TSPAN11: variants seen among roughly 807,000 people sequenced by gnomAD.
The protein encoded by TSPAN11 is tetraspanin 11, also known as tetraspanin-11.
In TSPAN11, 29 loss-of-function variants were observed where a neutral mutation model predicts 32.9. The ratio of observed to expected loss-of-function variants is 0.88; its 90% CI spans 0.66 to 1.20. The LOEUF is 1.20. Ranked by LOEUF, TSPAN11 falls within the 50% of genes most tolerant of loss-of-function variation. The pLI is 0.00. For missense variants in TSPAN11, 283 were observed against 329.1 expected (o/e 0.86, Z 1.08); for synonymous variants, 140 against 141.3 (o/e 0.99, Z 0.07).
At chr12:30,982,917 C>A in intron 6 of TSPAN11, 147 bp from the exon 7 acceptor site, 2 of 1,073,500 alleles carry the variant, frequency 1.9e-6, no homozygotes, top group Non-Finnish European at 2.7e-6. Context: ...TGGGGCCACT[C>A]AAGTAGCCTG....
intron 2 of TSPAN11, 84 bp from the exon 3 acceptor site, chr12:30,963,742 T>C (rs1294012911): frequency 5.5e-6 from 8 of 1,456,764 alleles, no homozygotes; most frequent in Middle Eastern, 2.2e-4. Context: ...GCAAGAGAAG[T>C]GCCTGGCACC....
chr12:30,971,338 A>G (rs1396345295), intron 3 of TSPAN11, among the ~76,000 whole-genome samples: 1 of 152,172 alleles, frequency 6.6e-6, no homozygotes, highest in East Asian at 1.9e-4. Flanking sequence ...ACTTACCTCA[A>G]AGATGGCACC....
At chr12:30,968,927 C>T (rs567720370) in intron 3 of TSPAN11, among the ~76,000 whole-genome samples, 12 of 152,248 alleles carry the variant, frequency 7.9e-5, no homozygotes, top group South Asian at 4.2e-4. Context: ...TCTGGGACCT[C>T]GGGTAAGTCA....
chr12:31,006,176 A>T, the TSPAN11 span, among the ~76,000 whole-genome samples: 1 of 152,244 alleles, frequency 6.6e-6, no homozygotes, highest in Non-Finnish European at 1.5e-5. Flanking sequence ...GAGTTGTCTC[A>T]GTGGCCATGG....
rs561630530 is a variant in TSPAN11, at chr12:30,960,464, T to C, written c.85-3362T>C. 2.0e-5 allele frequency among the ~76,000 whole-genome samples: 3 copies of C among 152,052 alleles called. No individual in the cohort carries two copies. The East Asian group carries it at 5.8e-4, about 29-fold the overall frequency. ...TTTCCTTCCTTCATTGCAGAAGCCC[T>C]ATGGTAGCGAGACAAAGAAAAACGC... On this transcript the variant is annotated intron_variant, in intron 2 of 7. Coordinates refer to ENST00000546076, the MANE Select transcript of TSPAN11 (RefSeq NM_001370302.1).
intron 3 of TSPAN11, among the ~76,000 whole-genome samples, chr12:30,974,042 A>G (rs1370644408): frequency 8.5e-5 from 13 of 152,206 alleles, no homozygotes. Flanking sequence ...TGTGAGCTGA[A>G]GCAATATAGG....
chr12:30,971,860 G>T (rs917911526), intron 3 of TSPAN11, among the ~76,000 whole-genome samples: 1 of 151,676 alleles, frequency 6.6e-6, no homozygotes, highest in East Asian at 1.9e-4. Context: ...AAAAAAATTG[G>T]TTTGGTTCAG....
chr12:30,938,985 C>G (rs2140273414), intron 1 of TSPAN11, among the ~76,000 whole-genome samples: 1 of 152,198 alleles, frequency 6.6e-6, no homozygotes, highest in South Asian at 2.1e-4. Context: ...ATAATCCCAG[C>G]ACTTTGGGAG....
chr12:31,006,520 CTTG>C, the TSPAN11 span, among the ~76,000 whole-genome samples: 1 of 152,400 alleles, frequency 6.6e-6, no homozygotes, highest in South Asian at 2.1e-4. Flanking sequence ...GTCTGTTGTA[CTTG>C]TGGTTAAATC....
the TSPAN11 span, among the ~76,000 whole-genome samples, chr12:31,004,302 G>A: frequency 3.9e-3 from 597 of 152,306 alleles, 3 homozygotes; most frequent in Middle Eastern, 0.034. Context: ...TGCATGCCAT[G>A]ACTCCAGCTC....
rs1235849084 is a variant in TSPAN11 at position 30,996,158 on chromosome 12, C to T, written c.*4243C>T. ...TCTTCCCTGGAGGACTCTTGGATCG[C>T]CTGTGATCTTGGCCAGGAGACCAGG... On this transcript the variant is annotated 3_prime_UTR_variant, in exon 8 of 8. Coordinates refer to ENST00000546076, the MANE Select transcript of TSPAN11 (RefSeq NM_001370302.1). The T allele has an allele frequency of 6.6e-6, 1 of 152,282 alleles. No individual in the cohort carries two copies. The highest frequency in any genetic ancestry group is 1.5e-5 in the Non-Finnish European group (1 of 68,092). The allele number at this position is 152,282 out of a possible 1,614,324, so 9.4% of individuals were successfully genotyped here. A position where few individuals can be genotyped will look rare whatever the true frequency, so the allele number is the denominator to read the frequency against.
chr12:30,957,130 G>A (rs1938494245), intron 2 of TSPAN11, among the ~76,000 whole-genome samples: 1 of 152,072 alleles, frequency 6.6e-6, no homozygotes, highest in Admixed American at 6.6e-5. Flanking sequence ...ACATCCCACT[G>A]AACGTGGCTG....
the TSPAN11 span, among the ~76,000 whole-genome samples, chr12:31,002,629 T>C: frequency 1.9e-3 from 288 of 152,194 alleles, 2 homozygotes; most frequent in African/African-American, 6.5e-3. This position sits in a 1 kb window ranked among gnomAD's most constrained non-coding sequence, Gnocchi z 4.8. Context: ...CAGGCCAGAC[T>C]CTGAGGGTCT....
intron 2 of TSPAN11, among the ~76,000 whole-genome samples, chr12:30,960,453 T>A (rs2140290276): frequency 6.6e-6 from 1 of 152,090 alleles, no homozygotes; most frequent in South Asian, 2.1e-4. Context: ...CTTCCTTCAT[T>A]GCAGAAGCCC....
intron 1 of TSPAN11, among the ~76,000 whole-genome samples, chr12:30,932,465 C>T (rs11051170): frequency 0.14 from 21,929 of 152,088 alleles, 2,139 homozygotes; most frequent in Admixed American, 0.36. Context: ...CATCAATGCA[C>T]TCAACGTCGC....
rs58500177 is a variant in TSPAN11, at chr12:30,931,879, CAAAAA to C, written c.-12+5099_-12+5103del. On this transcript the variant is annotated intron_variant, in intron 1 of 7. Transcript: ENST00000546076. ...TGGGCGACAGAGTGAGACGCTGTATCAAAAAAAAAAAAAAAAAAAAGAGTCCTCAT... is the reference window on the plus strand; with the variant it reads ...TGGGCGACAGAGTGAGACGCTGTATCAAAAAAAAAAAAAAAGAGTCCTCAT... 8.2e-5 allele frequency among the ~76,000 whole-genome samples: 5 copies of C among 60,872 alleles called. No individual in the cohort carries two copies. The East Asian group carries it at 2.8e-3, about 34-fold the overall frequency. 39.9% of individuals were successfully genotyped at this position (60,872 alleles called of 152,430 possible).
rs1347206032 is a variant in TSPAN11, at chr12:30,945,621, C to T, written c.-11-8360C>T. ...AGGACTCCCAGCACATCTGGCCAGCCAGCTGGGCCCTTTCTACATGTCCCT... is the reference window on the plus strand; with the variant it reads ...AGGACTCCCAGCACATCTGGCCAGCTAGCTGGGCCCTTTCTACATGTCCCT... On this transcript the variant is annotated intron_variant, in intron 1 of 7. Coordinates refer to ENST00000546076, the MANE Select transcript of TSPAN11 (RefSeq NM_001370302.1). Among the ~76,000 whole-genome samples the T allele has an allele frequency of 2.6e-5, 4 of 151,892 alleles. No homozygotes were observed. In the East Asian group the frequency reaches 5.8e-4, roughly 22 times the overall value.
chr12:30,932,474 G>A (rs1239834784), intron 1 of TSPAN11, among the ~76,000 whole-genome samples: 4 of 152,138 alleles, frequency 2.6e-5, no homozygotes, highest in South Asian at 2.1e-4. Flanking sequence ...ACTCAACGTC[G>A]CTAACTCAAC....
intron 7 of TSPAN11, chr12:30,988,461 C>T (rs138254904): frequency 0.09 from 13,608 of 152,018 alleles, 1,160 homozygotes; most frequent in African/African-American, 0.22. Flanking sequence ...TGGTGGTACG[C>T]GCCTGTAATC....
Sources: allele counts gnomAD v4.1 joint callset (sites outside exome capture counted in the v4.1 genomes callset), GRCh38; gene constraint gnomAD v4.1.1; non-coding constraint Gnocchi (gnomAD v3.1); transcripts MANE v1.5; gene names NCBI Gene and HGNC (gene_info 2026-07-23, HGNC 2026-07-21).